The following DLG2 variants were observed in gnomAD, a reference collection of about 807,000 sequenced individuals.
The protein encoded by DLG2 is discs large MAGUK scaffold protein 2.
Under a neutral mutation model 132.5 loss-of-function variants are expected in DLG2, and 45 were observed. The observed-to-expected ratio is 0.34, with a 90% CI of 0.27 to 0.44. DLG2 has a LOEUF of 0.44. DLG2 is among the 20% of genes least tolerant of loss of function. The probability of loss-of-function intolerance (pLI) is 1.00; values close to 1 mark genes in which losing one functional copy is unlikely to be tolerated. For synonymous variants in DLG2, 424 were observed against 419.6 expected (o/e 1.01, Z -0.13); for missense variants, 1,045 against 1,196.9 (o/e 0.87, Z 1.87).
At chr11:83,505,181 C>T (rs771053771) in intron 21 of DLG2, among the ~76,000 whole-genome samples, 7 of 152,164 alleles carry the variant, frequency 4.6e-5, no homozygotes, top group Non-Finnish European at 5.9e-5. Context: ...CTGCTCTTTC[C>T]GTGATGGAAG....
intron 7 of DLG2, among the ~76,000 whole-genome samples, chr11:84,412,513 C>G (rs1050332820): frequency 1.3e-5 from 2 of 152,176 alleles, no homozygotes; most frequent in South Asian, 2.1e-4. Flanking sequence ...GACAAAGCAA[C>G]CTAGGCTTGG....
chr11:83,938,427 A>G (rs1035755640), intron 14 of DLG2, among the ~76,000 whole-genome samples: 1 of 152,224 alleles, frequency 6.6e-6, no homozygotes, highest in Non-Finnish European at 1.5e-5. Context: ...AGAAAGTGGT[A>G]ACAGCACGTG....
chr11:84,027,536 G>A (rs2095569465), intron 11 of DLG2, among the ~76,000 whole-genome samples: 1 of 151,822 alleles, frequency 6.6e-6, no homozygotes, highest in African/African-American at 2.4e-5. Flanking sequence ...CATATAATAA[G>A]CTCTAGACAA....
rs184684342 is a variant in DLG2 at position 84,137,559 on chromosome 11, A to G, written c.624+25902T>C. ...ATTTAGGAAGCACCAATTTGTTCTC[A>G]AGGTTATTATCAACAGATGTTTTAT... On this transcript the variant is annotated intron_variant, in intron 9 of 27. Transcript: ENST00000376104. Among the ~76,000 whole-genome samples the G allele has an allele frequency of 3.3e-3, 501 of 152,282 alleles. 2 individuals carry two copies. Among genetic ancestry groups the G allele is most frequent in the Non-Finnish European group, 5.2e-3 (351 of 68,018 alleles).
At chr11:85,610,983 C>T (rs1333911280) in intron 2 of DLG2, among the ~76,000 whole-genome samples, 2 of 152,302 alleles carry the variant, frequency 1.3e-5, no homozygotes, top group East Asian at 3.9e-4. Flanking sequence ...AGAATGAGAA[C>T]CAGGGTCAGA....
At chr11:84,622,930 T>C (rs1185847858) in intron 6 of DLG2, among the ~76,000 whole-genome samples, 1 of 152,074 alleles carries the variant, frequency 6.6e-6, no homozygotes. Flanking sequence ...GATAAACCAA[T>C]CTCTGGAAAT....
intron 7 of DLG2, among the ~76,000 whole-genome samples, chr11:84,380,479 A>G (rs2154433840): frequency 6.6e-6 from 1 of 152,206 alleles, no homozygotes; most frequent in African/African-American, 2.4e-5. Flanking sequence ...ATATTTTTAA[A>G]TTTTAAAAGT....
intron 6 of DLG2, among the ~76,000 whole-genome samples, chr11:84,595,409 G>C (rs1232187303): frequency 6.6e-6 from 1 of 151,728 alleles, no homozygotes; most frequent in African/African-American, 2.4e-5. Flanking sequence ...CACTGCACCT[G>C]GCCTGGCAAT....
intron 6 of DLG2, among the ~76,000 whole-genome samples, chr11:84,690,756 G>C (rs910743813): frequency 6.6e-6 from 1 of 151,808 alleles, no homozygotes; most frequent in African/African-American, 2.4e-5. Flanking sequence ...GTTTCAGAGA[G>C]TTTACATGAT....
chr11:85,105,562 G>C (rs1448614963), intron 6 of DLG2, among the ~76,000 whole-genome samples: 1 of 151,798 alleles, frequency 6.6e-6, no homozygotes, highest in East Asian at 1.9e-4. Context: ...TTCTTTTCCA[G>C]TCCTGTGGCT....
chr11:84,625,390 C>T (rs985291179), intron 6 of DLG2, among the ~76,000 whole-genome samples: 4 of 152,130 alleles, frequency 2.6e-5, no homozygotes, highest in Non-Finnish European at 4.4e-5. Context: ...AAGCTGCTTC[C>T]GCATTACTTA....
At chr11:84,932,453 C>A (rs1231800090) in intron 6 of DLG2, among the ~76,000 whole-genome samples, 3 of 152,026 alleles carry the variant, frequency 2.0e-5, no homozygotes, top group Admixed American at 1.3e-4. Context: ...TACATAGGTA[C>A]ACATGTACCA....
chr11:84,355,557 A>G (rs192290448), intron 7 of DLG2, among the ~76,000 whole-genome samples: 1 of 152,238 alleles, frequency 6.6e-6, no homozygotes, highest in Non-Finnish European at 1.5e-5. Context: ...CCCAGCCTCC[A>G]GAACTGTGAG....
intron 6 of DLG2, among the ~76,000 whole-genome samples, chr11:84,705,047 T>C (rs147140883): frequency 4.6e-5 from 7 of 151,730 alleles, no homozygotes; most frequent in African/African-American, 1.7e-4. Flanking sequence ...ACAAACTTTT[T>C]AGCTGGTTGC....
chr11:85,214,626 T>A (rs181172713), intron 4 of DLG2, among the ~76,000 whole-genome samples: 1 of 152,304 alleles, frequency 6.6e-6, no homozygotes, highest in African/African-American at 2.4e-5. Flanking sequence ...CCCTCTCATC[T>A]GAATTTCATC....
At chr11:84,019,327 C>G (rs1457660321) in intron 11 of DLG2, among the ~76,000 whole-genome samples, 25 of 151,982 alleles carry the variant, frequency 1.6e-4, no homozygotes, top group Admixed American at 1.6e-3. Context: ...AGTTTTGTGA[C>G]CTCAAGGTTA....
chr11:85,494,102 G>T (rs1224122342), intron 3 of DLG2, among the ~76,000 whole-genome samples: 1 of 152,116 alleles, frequency 6.6e-6, no homozygotes, highest in Non-Finnish European at 1.5e-5. Context: ...TCCCACTTGT[G>T]ACGGCAGAGC....
At chr11:83,782,942 T>C (rs1389963212) in intron 18 of DLG2, among the ~76,000 whole-genome samples, 1 of 152,210 alleles carries the variant, frequency 6.6e-6, no homozygotes, top group African/African-American at 2.4e-5. Flanking sequence ...GCAACTTCAC[T>C]AACTGGGTAT....
At chr11:85,061,434 T>C (rs955690626) in intron 6 of DLG2, among the ~76,000 whole-genome samples, 11 of 151,858 alleles carry the variant, frequency 7.2e-5, no homozygotes, top group Non-Finnish European at 1.5e-4. Context: ...GAAACAAAAT[T>C]TGCAACTTGA....
Sources: allele counts gnomAD v4.1 joint callset (sites outside exome capture counted in the v4.1 genomes callset), GRCh38; gene constraint gnomAD v4.1.1; transcripts MANE v1.5; gene names NCBI Gene and HGNC (gene_info 2026-07-23, HGNC 2026-07-21).